NFIB: variants seen among roughly 807,000 people sequenced by gnomAD.
NFIB encodes the protein nuclear factor I B, also known as nuclear factor 1 B-type.
In NFIB, 11 loss-of-function variants were observed where a neutral mutation model predicts 61.5. The observed-to-expected ratio is 0.18, with a 90% CI of 0.11 to 0.30. The LOEUF (loss-of-function observed/expected upper bound fraction) is 0.30. NFIB is among the 10% of genes least tolerant of loss of function. The pLI is 1.00. For synonymous variants in NFIB, 260 were observed against 216.5 expected, an observed-to-expected ratio of 1.20 and a Z score of -1.76; for missense variants, 471 against 608.9, an observed-to-expected ratio of 0.77 and a Z score of 2.38.
intron 1 of NFIB, among the ~76,000 whole-genome samples, chr9:14,348,008 C>T (rs1295839649): frequency 6.6e-6 from 1 of 152,128 alleles, no homozygotes; most frequent in Non-Finnish European, 1.5e-5. Context: ...GCTAGCGATC[C>T]GACAGAGCAC....
chr9:14,315,330 C>G (rs1026077652), upstream of NFIB, among the ~76,000 whole-genome samples: 5 of 151,046 alleles, frequency 3.3e-5, no homozygotes, highest in African/African-American at 1.2e-4. Context: ...CGTGGCCTCG[C>G]TCTGAGCGGG....
At chr9:14,396,831 C>A (rs1256937387) in intron 1 of NFIB, among the ~76,000 whole-genome samples, 1 of 152,144 alleles carries the variant, frequency 6.6e-6, no homozygotes, top group Non-Finnish European at 1.5e-5. Flanking sequence ...GTATCATTCT[C>A]TGTAGCTGAA....
At chr9:14,205,816 C>T (rs181247462) in intron 2 of NFIB, among the ~76,000 whole-genome samples, 28 of 152,252 alleles carry the variant, frequency 1.8e-4, no homozygotes, top group Non-Finnish European at 7.3e-5. Context: ...TCAGCAGAGC[C>T]ACACCAATAT....
At chr9:14,261,699 AG>A (rs1166832419) in intron 2 of NFIB, among the ~76,000 whole-genome samples, 1 of 152,148 alleles carries the variant, frequency 6.6e-6, no homozygotes, top group Non-Finnish European at 1.5e-5. Context: ...AATGATTTTT[AG>A]GGGAACTTAA....
chr9:14,189,727 C>T (rs2047738337), intron 2 of NFIB, among the ~76,000 whole-genome samples: 1 of 150,314 alleles, frequency 6.7e-6, no homozygotes, highest in Non-Finnish European at 1.5e-5. Context: ...GGTCAAGAAA[C>T]ATGTTAGTCT....
intron 2 of NFIB, among the ~76,000 whole-genome samples, chr9:14,188,172 T>C (rs936957497): frequency 6.6e-6 from 1 of 152,218 alleles, no homozygotes; most frequent in Admixed American, 6.5e-5. Context: ...TTCAATTAAG[T>C]AAATAAAATG....
intron 6 of NFIB, among the ~76,000 whole-genome samples, chr9:14,127,263 T>C (rs965557874): frequency 6.6e-6 from 1 of 152,218 alleles, no homozygotes; most frequent in South Asian, 2.1e-4. Context: ...TTTTAACATC[T>C]TGAGTGCTGT....
At chr9:14,482,227 A>T in the NFIB span, among the ~76,000 whole-genome samples, 1 of 152,096 alleles carries the variant, frequency 6.6e-6, no homozygotes, top group African/African-American at 2.4e-5. Flanking sequence ...TCTATATCAA[A>T]AGTAGCTCCT....
At chr9:14,160,482 G>A (rs994605171) in intron 3 of NFIB, among the ~76,000 whole-genome samples, 4 of 152,006 alleles carry the variant, frequency 2.6e-5, no homozygotes, top group South Asian at 2.1e-4. Flanking sequence ...CATGAAAGCC[G>A]TCTTCAAGTA....
In NFIB at chr9:14,232,272, C is replaced by G. The variant is rs77907765; in HGVS notation, c.563-52492G>C. Among the ~76,000 whole-genome samples, 693 of 152,240 alleles carry G rather than the reference C, an allele frequency of 4.6e-3. 13 individuals carry two copies. The East Asian group carries it at 0.064, about 14-fold the overall frequency. On this transcript the variant is annotated intron_variant, in intron 2 of 10. Transcript: ENST00000380953. Reference sequence around the variant, plus strand: ...GCTTTTTCTCATACAAGAGCCACTTCTGGACAATAATGAGACCCCGTAAAG... The same window carrying G: ...GCTTTTTCTCATACAAGAGCCACTTGTGGACAATAATGAGACCCCGTAAAG...
At chr9:14,195,471 T>C (rs1003803898) in intron 2 of NFIB, among the ~76,000 whole-genome samples, 9 of 152,234 alleles carry the variant, frequency 5.9e-5, no homozygotes, top group African/African-American at 2.2e-4. Context: ...AGAGAAATAA[T>C]CTCAAAGAAA....
At chr9:14,350,532 G>A (rs2061095832) in intron 1 of NFIB, among the ~76,000 whole-genome samples, 1 of 152,018 alleles carries the variant, frequency 6.6e-6, no homozygotes, top group Non-Finnish European at 1.5e-5. Flanking sequence ...GAAGTTGGGG[G>A]TCTTCTAGCT....
Position 14,346,299 on chromosome 9 carries a change from C to CCCCCA in NFIB, c.109-38780_109-38779insTGGGG, listed in dbSNP as rs1554715709. Among the ~76,000 whole-genome samples, 2 of 144,856 alleles carry CCCCCA rather than the reference C, an allele frequency of 1.4e-5. 1 individual carries two copies. Among genetic ancestry groups the CCCCCA allele is most frequent in the Non-Finnish European group, 3.1e-5 (2 of 63,868 alleles). On this transcript the variant is annotated intron_variant, in intron 1 of 8. Transcript: ENST00000380934. ...ACACGAGGTAACCGACACCCCCCCC[C>CCCCCA]CGTAACCTGAGCTAAAGGTAAAGGT... is the stretch of plus-strand genomic sequence containing the variant.
intron 1 of NFIB, among the ~76,000 whole-genome samples, chr9:14,329,640 G>A (rs553638908): frequency 7.3e-5 from 11 of 151,556 alleles, no homozygotes; most frequent in Non-Finnish European, 1.6e-4. Flanking sequence ...TCAGCCTCCC[G>A]AGCAGCTGAG....
intron 6 of NFIB, 127 bp from the exon 7 acceptor site, chr9:14,125,893 T>C (rs1183172741): frequency 6.3e-6 from 8 of 1,266,844 alleles, no homozygotes; most frequent in Admixed American, 2.7e-5. Flanking sequence ...TTACAAAATA[T>C]ATTCTGAGTG....
chr9:14,151,122 C>T (rs938984263), intron 4 of NFIB, among the ~76,000 whole-genome samples: 4 of 151,984 alleles, frequency 2.6e-5, no homozygotes, highest in African/African-American at 9.7e-5. Context: ...GTAATAATAA[C>T]CGGACACATA....
intron 3 of NFIB, among the ~76,000 whole-genome samples, chr9:14,167,089 G>GA (rs2044915820): frequency 1.3e-5 from 2 of 149,676 alleles, no homozygotes. Context: ...GTGTCGGGGG[G>GA]GGGGGGTTCC....
intron 1 of NFIB, among the ~76,000 whole-genome samples, chr9:14,391,270 A>G (rs190330623): frequency 6.6e-6 from 1 of 151,732 alleles, no homozygotes; most frequent in Admixed American, 6.6e-5. Flanking sequence ...TGTGATGGAC[A>G]CTTTATCTCT....
chr9:14,158,065 G>C (rs2043651903), intron 3 of NFIB, among the ~76,000 whole-genome samples: 1 of 149,892 alleles, frequency 6.7e-6, no homozygotes, highest in Non-Finnish European at 1.5e-5. Context: ...GAGCCGAGAT[G>C]GAGCCATTGC....
Sources: gnomAD v4.1 joint callset for allele counts (sites outside exome capture counted in the v4.1 genomes callset) on GRCh38, gnomAD v4.1.1 for gene constraint, MANE v1.5 for transcripts, NCBI Gene and HGNC (gene_info 2026-07-23, HGNC 2026-07-21) for gene names.